CHAD: variants seen among roughly 807,000 people sequenced by gnomAD.
CHAD encodes cartilage leucine-rich protein.
A neutral mutation model predicts 24.0 loss-of-function variants in CHAD; 18 were observed. The observed-to-expected ratio is 0.75, with a 90% CI of 0.52 to 1.11. The LOEUF (loss-of-function observed/expected upper bound fraction) is 1.11, where lower values mean the gene tolerates loss of function less well. Ranked by LOEUF, CHAD falls within the 50% of genes most tolerant of loss-of-function variation. The pLI, the probability that CHAD is intolerant of heterozygous loss-of-function variation, is 0.00. For missense variants in CHAD, 440 were observed against 467.2 expected (o/e 0.94, Z 0.54); for synonymous variants, 195 against 211.6 (o/e 0.92, Z 0.68).
rs997371357 is a variant in CHAD, at chr17:50,468,357, G to C, written c.457C>G (p.Gln153Glu). 1.9e-6 allele frequency: 3 copies of C among 1,614,130 alleles called. No individual in the cohort carries two copies. Among genetic ancestry groups the C allele is most frequent in the Non-Finnish European group, 2.5e-6 (3 of 1,180,034 alleles). ...TCACGGATCTTGTTGTTGTTGAGCT[G>C]CAAGATGAAGAGGTTGACCAGCGGG... The part of the protein sequence containing the change: ...LSPLVNLFIL[Q>E]LNNNKIRELR... Residue 153 changes from glutamine (Q) to glutamate (E), a missense_variant, in exon 1 of 4, where the codon CAG becomes GAG. Gln to Glu is a conservative substitution (Grantham distance 29). Coordinates refer to ENST00000508540, the MANE Select transcript of CHAD (RefSeq NM_001267.3).
At chr17:50,466,369 G>A (rs188753630) in intron 1 of CHAD, among the ~76,000 whole-genome samples, 54 of 152,274 alleles carry the variant, frequency 3.5e-4, no homozygotes, top group African/African-American at 1.2e-3. Flanking sequence ...GATTACAGGC[G>A]TGAGCCACCA....
At position 50,465,321 on chromosome 17, in the gene CHAD, AC is replaced by A; in HGVS notation, c.1056del (p.Arg352SerfsTer44). 2 of 1,612,476 alleles carry A rather than the reference AC, an allele frequency of 1.2e-6. No individual in the cohort carries two copies. Among genetic ancestry groups the A allele is most frequent in the Non-Finnish European group, 1.7e-6 (2 of 1,179,426 alleles). On this transcript the variant is annotated frameshift_variant, in exon 3 of 4. Transcript: ENST00000508540. LOFTEE classifies it high-confidence loss of function. ...GTTTAATGGCGGCCAGCTTTCTTGG[AC>A]CTCTTGGTGGGGAACTTGCAGCTGC... ...AFRSCKFPTK[R>X]SKKAGRH
chr17:50,465,647 G>A, intron 2 of CHAD, 60 bp downstream of exon 2: 1 of 1,587,140 alleles, frequency 6.3e-7, no homozygotes, highest in Non-Finnish European at 8.6e-7. Flanking sequence ...CTTAGTGCAG[G>A]GCTAATGTGC....
rs1370459466 is a variant in CHAD, at chr17:50,468,782, C to T, written c.32G>A (p.Gly11Asp). The T allele has an allele frequency of 3.8e-6, 6 of 1,569,304 alleles. No individual in the cohort carries two copies. Among genetic ancestry groups the T allele is most frequent in the Non-Finnish European group, 5.2e-6 (6 of 1,162,962 alleles). The change falls in exon 1 of 4, where the codon GGC becomes GAC. Residue 11 changes from glycine to aspartate, a missense_variant. Gly to Asp is a moderately conservative substitution (Grantham distance 94, BLOSUM62 -1). Transcript: ENST00000508540. The part of the protein sequence containing the change: MVRPMLLLSL[G>D]LLAGLLPALA... Reference sequence around the variant, plus strand: ...CGCCGGCAGCAGACCAGCCAGGAGGCCGAGGCTGAGCAAGAGCATTGGGCG... The same window carrying T: ...CGCCGGCAGCAGACCAGCCAGGAGGTCGAGGCTGAGCAAGAGCATTGGGCG...
Position 50,464,762 on chromosome 17 carries a change from A to C in CHAD, c.*292T>G. The C allele has an allele frequency of 1.2e-5, 2 of 171,678 alleles. No individual in the cohort carries two copies. The highest frequency in any genetic ancestry group is 1.2e-4 in the East Asian group (1 of 8,168). 10.6% of individuals were successfully genotyped at this position (171,678 alleles called of 1,614,324 possible). A position where few individuals can be genotyped will look rare whatever the true frequency, so the allele number is the denominator to read the frequency against. On this transcript the variant is annotated 3_prime_UTR_variant, in exon 4 of 4. Transcript: ENST00000508540. ...TGATGACCAACCTGTTGTGGTTCTG[A>C]TTGACTTGGGGGGGGGGTCTCAGCA... is the stretch of plus-strand genomic sequence containing the variant.
At position 50,468,184 on chromosome 17, in the gene CHAD, G is replaced by T; in HGVS notation, c.630C>A (p.Tyr210Ter). Residue 210 changes from tyrosine (Y) to a stop codon, truncating the protein, a stop_gained, in exon 1 of 4, where the codon TAC (tyrosine) becomes TAA (stop). Transcript: ENST00000508540. LOFTEE classifies it high-confidence loss of function. ...FHVDRNQLSS[Y>*]PSAALSKLRV... is the part of the protein sequence containing the mutation. The stretch of plus-strand genomic sequence containing the variant: ...GTAGCTTGCTCAGGGCAGCTGAGGG[G>T]TAGCTGGACAGCTGGTTCCTGTCCA... 6.2e-7 allele frequency: 1 copy of T among 1,614,118 alleles called. No individual in the cohort carries two copies. Among genetic ancestry groups the T allele is most frequent in the South Asian group, 1.1e-5 (1 of 91,050 alleles).
chr17:50,465,198 T>A, intron 3 of CHAD, 96 bp downstream of exon 3: 1 of 1,443,634 alleles, frequency 6.9e-7, no homozygotes, highest in Non-Finnish European at 9.5e-7. Context: ...AGGGTCTGCC[T>A]GACCCTCCAG....
Position 50,468,762 on chromosome 17 carries a change from G to C in CHAD, c.52C>G (p.Pro18Ala). 5 of 1,592,344 alleles carry C rather than the reference G, an allele frequency of 3.1e-6. No homozygotes were observed. Among genetic ancestry groups the C allele is most frequent in the Non-Finnish European group, 4.3e-6 (5 of 1,173,216 alleles). The change falls in exon 1 of 4, where the codon CCG becomes GCG. Residue 18 changes from proline to alanine, a missense_variant. Coordinates refer to ENST00000508540, the MANE Select transcript of CHAD (RefSeq NM_001267.3). ...LSLGLLAGLL[P>A]ALAACPQNCH... is the part of the protein sequence containing the mutation. ...TTCTGGGGGCAGGCGGCCAGCGCCG[G>C]CAGCAGACCAGCCAGGAGGCCGAGG...
At chr17:50,465,602 T>C in intron 2 of CHAD, 105 bp downstream of exon 2, 1 of 1,489,540 alleles carries the variant, frequency 6.7e-7, no homozygotes, top group Non-Finnish European at 9.2e-7. Flanking sequence ...CCCATGCTTA[T>C]TAGGTAGCAG....
Position 50,465,462 on chromosome 17 carries a change from G to T in CHAD, c.939-23C>A, listed in dbSNP as rs567738541. On this transcript the variant is annotated intron_variant, in intron 2 of 3. Coordinates refer to ENST00000508540, the MANE Select transcript of CHAD (RefSeq NM_001267.3). ...CACCTGGAGAGACAGAAACTTGCTG[G>T]GGCTGGGGAAGAAGGTGGGAGTGCT... 3.1e-6 allele frequency: 5 copies of T among 1,612,778 alleles called. No individual in the cohort carries two copies. In the African/African-American group the frequency reaches 5.3e-5, roughly 17 times the overall value.
intron 1 of CHAD, among the ~76,000 whole-genome samples, chr17:50,466,786 C>T (rs1342210435): frequency 2.6e-5 from 4 of 152,210 alleles, no homozygotes; most frequent in South Asian, 2.1e-4. Context: ...TTTGCCCAGG[C>T]GCCACAATTC....
In CHAD at chr17:50,464,778, G is replaced by GGT. The variant is rs1555611979; in HGVS notation, c.*274_*275dup. 4.9e-4 allele frequency: 156 copies of GGT among 318,880 alleles called. 1 individual carries two copies. Among genetic ancestry groups the GGT allele is most frequent in the African/African-American group, 6.0e-4 (25 of 41,430 alleles). 19.8% of individuals were successfully genotyped at this position (318,880 alleles called of 1,614,324 possible). ...GTGGTTCTGATTGACTTGGGGGGGG[G>GGT]GTCTCAGCAACAGCTTCTCCAAGAG... On this transcript the variant is annotated 3_prime_UTR_variant, in exon 4 of 4. Coordinates refer to ENST00000508540, the MANE Select transcript of CHAD (RefSeq NM_001267.3).
At position 50,468,271 on chromosome 17, in the gene CHAD, G is replaced by A. The variant is rs542700767; in HGVS notation, c.543C>T (p.Asn181=). The change falls in exon 1 of 4, where the codon AAC becomes AAT. Residue 181 remains asparagine (N), a synonymous_variant. Coordinates refer to ENST00000508540, the MANE Select transcript of CHAD (RefSeq NM_001267.3). ...CCCCGGGCTGCAGGGAGCTCAACGC[G>A]TTTTCCGACAGGTAGAGCCAGCGCA... is the stretch of plus-strand genomic sequence containing the variant. ...KDLRWLYLSE[N]ALSSLQPGAL... 6.2e-7 allele frequency: 1 copy of A among 1,611,378 alleles called. No individual in the cohort carries two copies. Among genetic ancestry groups the A allele is most frequent in the African/African-American group, 1.3e-5 (1 of 75,024 alleles).
rs1287589181 is a variant in CHAD, at chr17:50,468,446, G to C, written c.368C>G (p.Thr123Ser). 4 of 1,613,992 alleles carry C rather than the reference G, an allele frequency of 2.5e-6. No individual in the cohort carries two copies. Among genetic ancestry groups the C allele is most frequent in the African/African-American group, 2.7e-5 (2 of 74,892 alleles). Reference sequence around the variant, plus strand: ...GTCCAGGTAGAGGTAGGTCAGCTCGGTCAGGTCGTCGAAGGCACCTGCGCG... The same window carrying C: ...GTCCAGGTAGAGGTAGGTCAGCTCGCTCAGGTCGTCGAAGGCACCTGCGCG... ...VLRAGAFDDL[T>S]ELTYLYLDHN... The change falls in exon 1 of 4, where the codon ACC becomes AGC. Residue 123 changes from threonine (T) to serine (S), a missense_variant. By Grantham distance (58) the Thr-to-Ser change is moderately conservative. Coordinates refer to ENST00000508540, the MANE Select transcript of CHAD (RefSeq NM_001267.3).
rs1442021481 is a variant in CHAD at position 50,464,798 on chromosome 17, C to T, written c.*256G>A. The T allele has an allele frequency of 4.1e-5, 14 of 340,366 alleles. No homozygotes were observed. The highest frequency in any genetic ancestry group is 6.9e-5 in the Non-Finnish European group (12 of 172,734). 21.1% of individuals were successfully genotyped at this position (340,366 alleles called of 1,614,324 possible). A position where few individuals can be genotyped will look rare whatever the true frequency, so the allele number is the denominator to read the frequency against. Reference sequence around the variant, plus strand: ...GGGGGGGTCTCAGCAACAGCTTCTCCAAGAGGAGCTGGAGGGTGGGGAAGG... The same window carrying T: ...GGGGGGGTCTCAGCAACAGCTTCTCTAAGAGGAGCTGGAGGGTGGGGAAGG... On this transcript the variant is annotated 3_prime_UTR_variant, in exon 4 of 4. Transcript: ENST00000508540.
chr17:50,468,594 T>C lies in CHAD; in HGVS notation c.220A>G (p.Met74Val), dbSNP rs781544892. 3 of 1,614,188 alleles carry C rather than the reference T, an allele frequency of 1.9e-6. No individual in the cohort carries two copies. The highest frequency in any genetic ancestry group is 2.2e-5 in the South Asian group (2 of 91,090). Residue 74 changes from methionine (M) to valine (V), a missense_variant, in exon 1 of 4, where the codon ATG becomes GTG. Met to Val is a conservative substitution (Grantham distance 21). Coordinates refer to ENST00000508540, the MANE Select transcript of CHAD (RefSeq NM_001267.3). ...AGGTGCAATGACACGAGGTTCGGCATGGCCCGGAACGAATTGGCAGCCAGC... is the reference window on the plus strand; with the variant it reads ...AGGTGCAATGACACGAGGTTCGGCACGGCCCGGAACGAATTGGCAGCCAGC... The part of the protein sequence containing the change: ...PVLAANSFRA[M>V]PNLVSLHLQH...
chr17:50,465,162 G>A (rs1598426559), intron 3 of CHAD, 113 bp from the exon 4 acceptor site: 13 of 1,056,940 alleles, frequency 1.2e-5, no homozygotes, highest in South Asian at 4.7e-5. Context: ...GGACCCAGTC[G>A]TCCCCTCCTC....
intron 1 of CHAD, 98 bp from the exon 2 acceptor site, chr17:50,465,968 A>G: frequency 7.3e-7 from 1 of 1,364,840 alleles, no homozygotes; most frequent in Admixed American, 1.8e-5. Flanking sequence ...CCTGAACCTG[A>G]GCCATAGCAC....
chr17:50,464,880 G>A lies in CHAD; in HGVS notation c.*174C>T. 1 of 351,336 alleles carries A rather than the reference G, an allele frequency of 2.8e-6. No individual in the cohort carries two copies. Among genetic ancestry groups the A allele is most frequent in the Non-Finnish European group, 5.6e-6 (1 of 179,706 alleles). 21.8% of individuals were successfully genotyped at this position (351,336 alleles called of 1,614,324 possible). A position where few individuals can be genotyped will look rare whatever the true frequency, so the allele number is the denominator to read the frequency against. Reference sequence around the variant, plus strand: ...TCTCCCCAGGACACTGCTGGGTGGAGCTGGGTTGGTAGTGGAGTGCCCGAG... The same window carrying A: ...TCTCCCCAGGACACTGCTGGGTGGAACTGGGTTGGTAGTGGAGTGCCCGAG... On this transcript the variant is annotated 3_prime_UTR_variant, in exon 4 of 4. Transcript: ENST00000508540.
Sources: gnomAD v4.1 joint callset for allele counts (sites outside exome capture counted in the v4.1 genomes callset) on GRCh38, gnomAD v4.1.1 for gene constraint, MANE v1.5 for transcripts, NCBI Gene and HGNC (gene_info 2026-07-23, HGNC 2026-07-21) for gene names.